NKD1: variants seen among roughly 807,000 people sequenced by gnomAD.
The protein encoded by NKD1 is NKD inhibitor of Wnt signaling pathway 1.
In NKD1, 21 loss-of-function variants were observed where a neutral mutation model predicts 56.0. The observed-to-expected ratio is 0.38, with a 90% confidence interval of 0.27 to 0.54. The LOEUF is 0.54. Ranked by LOEUF, NKD1 falls within the 20% of genes least tolerant of loss-of-function variation. The pLI, the probability that NKD1 is intolerant of heterozygous loss-of-function variation, is 0.82. For synonymous variants in NKD1, 263 were observed against 265.7 expected (o/e 0.99, Z 0.10); for missense variants, 578 against 642.7 (o/e 0.90, Z 1.09).
rs1962733200 is a variant in NKD1 at position 50,649,194 on chromosome 16, G to C, written c.*15413G>C. 6.6e-6 allele frequency: 1 copy of C among 152,106 alleles called. No individual in the cohort carries two copies. The highest frequency in any genetic ancestry group is 1.5e-5 in the Non-Finnish European group (1 of 68,016). 9.4% of individuals were successfully genotyped at this position (152,106 alleles called of 1,614,324 possible). A position where few individuals can be genotyped will look rare whatever the true frequency, so the allele number is the denominator to read the frequency against. On this transcript the variant is annotated 3_prime_UTR_variant, in exon 10 of 10. Coordinates refer to ENST00000268459, the MANE Select transcript of NKD1 (RefSeq NM_033119.5). Reference sequence around the variant, plus strand: ...GGTACATGGGACCTGACTGGGCTTTGTTTGCAACTTTCTGATAATTTATAA... The same window carrying C: ...GGTACATGGGACCTGACTGGGCTTTCTTTGCAACTTTCTGATAATTTATAA...
intron 3 of NKD1, chr16:50,574,864 G>T: frequency 1.0e-6 from 1 of 985,440 alleles, no homozygotes; most frequent in Non-Finnish European, 1.2e-6. Context: ...TGGGGGCCAT[G>T]GTCTGTGAAC....
chr16:50,619,454 A>G (rs554412123), intron 4 of NKD1, among the ~76,000 whole-genome samples: 4 of 152,280 alleles, frequency 2.6e-5, no homozygotes, highest in African/African-American at 9.6e-5. Flanking sequence ...CCCATTTTAC[A>G]GACAAGGGGA....
chr16:50,625,571 C>G lies in NKD1; in HGVS notation c.453C>G (p.Val151=). 1 of 1,611,180 alleles carries G rather than the reference C, an allele frequency of 6.2e-7. No individual in the cohort carries two copies. The highest frequency in any genetic ancestry group is 8.5e-7 in the Non-Finnish European group (1 of 1,177,352). ...ATGACTTTGACAACAACGGCAAGGT[C>G]ACCCGAGAGGTGAGTGCACCTGCCT... ...TLYDFDNNGK[V]TREDITSLLH... The change falls in exon 6 of 10, where the codon GTC becomes GTG. Residue 151 remains valine, a synonymous_variant. Transcript: ENST00000268459.
At chr16:50,619,831 T>A (rs1274486803) in intron 4 of NKD1, among the ~76,000 whole-genome samples, 1 of 152,106 alleles carries the variant, frequency 6.6e-6, no homozygotes, top group Non-Finnish European at 1.5e-5. Context: ...AGAACCCACG[T>A]GGAGATGACC....
At chr16:50,618,714 C>T (rs1457521769) in intron 4 of NKD1, among the ~76,000 whole-genome samples, 1 of 152,202 alleles carries the variant, frequency 6.6e-6, no homozygotes, top group Non-Finnish European at 1.5e-5. Flanking sequence ...GGATCACAGG[C>T]CCCATGCTGG....
At chr16:50,574,430 G>C in intron 3 of NKD1, 5 of 985,442 alleles carry the variant, frequency 5.1e-6, no homozygotes, top group Non-Finnish European at 4.8e-6. Flanking sequence ...TTCCCCCAGG[G>C]ACTAAATTTA....
chr16:50,638,808 G>T lies in NKD1; in HGVS notation c.*5027G>T, dbSNP rs539427799. On this transcript the variant is annotated 3_prime_UTR_variant, in exon 10 of 10. Transcript: ENST00000268459. ...AGACCCATTTGCCAGTAGCAGACGG[G>T]GACCCTGGGGAGAAAATGGCAGAGC... The T allele has an allele frequency of 1.3e-5, 2 of 152,336 alleles. No homozygotes were observed. The highest frequency in any genetic ancestry group is 2.9e-5 in the Non-Finnish European group (2 of 68,056). 9.4% of individuals were successfully genotyped at this position (152,336 alleles called of 1,614,324 possible).
In NKD1 at chr16:50,598,566, C is replaced by T. The variant is rs1301328592; in HGVS notation, c.193-9728C>T. ...GCAGCCTGGCTCAGGGCCACCCTGT[C>T]GGCAGGTCACACGTGCTAGACCCTG... is the stretch of plus-strand genomic sequence containing the variant. On this transcript the variant is annotated intron_variant, in intron 3 of 9. Transcript: ENST00000268459. The surrounding 1 kb of genome is among the most constrained non-coding windows in gnomAD (Gnocchi z 4.2). 2.0e-5 allele frequency among the ~76,000 whole-genome samples: 3 copies of T among 152,256 alleles called. No homozygotes were observed. Among genetic ancestry groups the T allele is most frequent in the South Asian group, 2.1e-4 (1 of 4,828 alleles).
chr16:50,633,141 G>A lies in NKD1; in HGVS notation c.824-51G>A, dbSNP rs147100006. On this transcript the variant is annotated intron_variant, in intron 9 of 9. Transcript: ENST00000268459. The surrounding 1 kb of genome is among the most constrained non-coding windows in gnomAD (Gnocchi z 4.9). ...GGGTGATGTCTGGGGTATAGCGCAA[G>A]CCCCAGCACACAGTAGGTGCTCATT... The A allele has an allele frequency of 1.6e-3, 2,363 of 1,506,384 alleles. 32 individuals are homozygous for A. In the African/African-American group the frequency reaches 0.029, roughly 18 times the overall value. 93.3% of individuals were successfully genotyped at this position (1,506,384 alleles called of 1,614,324 possible).
chr16:50,556,405 G>A (rs1344956383), intron 3 of NKD1: 1 of 152,340 alleles, frequency 6.6e-6, no homozygotes, highest in East Asian at 1.9e-4. Flanking sequence ...AAAGCCTCAG[G>A]TCTCCGCACT....
chr16:50,612,140 G>A (rs1961861042), intron 4 of NKD1, among the ~76,000 whole-genome samples: 1 of 152,184 alleles, frequency 6.6e-6, no homozygotes, highest in African/African-American at 2.4e-5. Context: ...TCAATACCCT[G>A]TAGTCACTGA....
In NKD1 at chr16:50,630,254, CA is replaced by C; in HGVS notation, c.532del (p.Ser178AlafsTer6). The C allele has an allele frequency of 6.2e-7, 1 of 1,614,160 alleles. No homozygotes were observed. Among genetic ancestry groups the C allele is most frequent in the Non-Finnish European group, 8.5e-7 (1 of 1,180,018 alleles). On this transcript the variant is annotated frameshift_variant, in exon 7 of 10. Transcript: ENST00000268459. LOFTEE classifies it high-confidence loss of function. ...DSSVNHSPTS[S>X]KMLRVKLTVA... ...CCTCTGTCAACCACTCCCCAACATCCAGCAAGATGCTGCGGGTAAAGCTCAC... is the reference window on the plus strand; with the variant it reads ...CCTCTGTCAACCACTCCCCAACATCCGCAAGATGCTGCGGGTAAAGCTCAC...
At chr16:50,573,533 C>T (rs1451032961) in intron 3 of NKD1, among the ~76,000 whole-genome samples, 1 of 152,236 alleles carries the variant, frequency 6.6e-6, no homozygotes, top group Non-Finnish European at 1.5e-5. Context: ...CTGGTCTCTG[C>T]CCCTCAGGAC....
chr16:50,575,881 G>C (rs1960983414), intron 3 of NKD1, among the ~76,000 whole-genome samples: 1 of 152,198 alleles, frequency 6.6e-6, no homozygotes, highest in African/African-American at 2.4e-5. Context: ...CATTGTCATG[G>C]CTGGGTTGGG....
chr16:50,566,513 T>G (rs544958162), intron 3 of NKD1, among the ~76,000 whole-genome samples: 3 of 152,358 alleles, frequency 2.0e-5, no homozygotes, highest in Non-Finnish European at 2.9e-5. Context: ...ATGCCTGTCC[T>G]GGAGTGGAGG....
In NKD1 at chr16:50,634,741, A is replaced by G. The variant is rs1420621224; in HGVS notation, c.*960A>G. 2 of 152,492 alleles carry G rather than the reference A, an allele frequency of 1.3e-5. No individual in the cohort carries two copies. Among genetic ancestry groups the G allele is most frequent in the Non-Finnish European group, 2.9e-5 (2 of 68,042 alleles). 9.4% of individuals were successfully genotyped at this position (152,492 alleles called of 1,614,324 possible). On this transcript the variant is annotated 3_prime_UTR_variant, in exon 10 of 10. Coordinates refer to ENST00000268459, the MANE Select transcript of NKD1 (RefSeq NM_033119.5). Reference sequence around the variant, plus strand: ...CTCTCAGGTATCTTTTCTGGTGTGTATAAATCAGTGGTTTGCTTCCCTGGA... The same window carrying G: ...CTCTCAGGTATCTTTTCTGGTGTGTGTAAATCAGTGGTTTGCTTCCCTGGA...
intron 7 of NKD1, 45 bp from the exon 8 acceptor site, chr16:50,630,781 A>G (rs1234673156): frequency 7.3e-6 from 11 of 1,509,578 alleles, no homozygotes; most frequent in African/African-American, 5.5e-5. Context: ...GGGTGGGAGC[A>G]GGCAGCTCAC....
intron 4 of NKD1, chr16:50,616,046 C>T (rs1323092601): frequency 2.2e-6 from 1 of 455,320 alleles, no homozygotes; most frequent in Non-Finnish European, 4.4e-6. Context: ...TTCCCTCGAA[C>T]AGCTGCTGTC....
chr16:50,632,032 G>A lies in NKD1; in HGVS notation c.696-249G>A, dbSNP rs532065219. Among the ~76,000 whole-genome samples the A allele has an allele frequency of 8.5e-5, 13 of 152,318 alleles. No homozygotes were observed. The highest frequency in any genetic ancestry group is 1.9e-4 in the African/African-American group (8 of 41,570). On this transcript the variant is annotated intron_variant, in intron 8 of 9. Coordinates refer to ENST00000268459, the MANE Select transcript of NKD1 (RefSeq NM_033119.5). This position sits in a 1 kb window ranked among gnomAD's most constrained non-coding sequence, Gnocchi z 4.1. ...TTGAACCTGTTCAGAGCAAAACCCC[G>A]TCCACTCCTCCCAGAAGCTGCGGGG...
Sources: allele counts gnomAD v4.1 joint callset (sites outside exome capture counted in the v4.1 genomes callset), GRCh38; gene constraint gnomAD v4.1.1; non-coding constraint Gnocchi (gnomAD v3.1); transcripts MANE v1.5; gene names NCBI Gene and HGNC (gene_info 2026-07-23, HGNC 2026-07-21).